Variants in TBX5 observed in about 807,000 individuals in gnomAD.
TBX5 encodes T-box transcription factor 5.
Under a neutral mutation model 51.1 loss-of-function variants are expected in TBX5, and 8 were observed. The observed-to-expected ratio is 0.16, with a 90% CI of 0.09 to 0.28. The LOEUF (loss-of-function observed/expected upper bound fraction) is 0.28. Ranked by LOEUF, TBX5 falls within the 10% of genes least tolerant of loss-of-function variation. The pLI is 1.00. For missense variants in TBX5, 589 were observed against 671.7 expected (o/e 0.88, Z 1.36); for synonymous variants, 302 against 266.4 (o/e 1.13, Z -1.30).
At chr12:114,359,132 A>G (rs1333334540) in intron 8 of TBX5, among the ~76,000 whole-genome samples, 1 of 152,246 alleles carries the variant, frequency 6.6e-6, no homozygotes, top group African/African-American at 2.4e-5. Context: ...ACATTTTGGA[A>G]AATCGTAAAA....
chr12:114,389,806 T>C (rs1871061576), intron 6 of TBX5, among the ~76,000 whole-genome samples: 1 of 135,446 alleles, frequency 7.4e-6, no homozygotes, highest in Admixed American at 7.5e-5. Context: ...GAAGGACACC[T>C]TTTCCTCCCA....
intron 8 of TBX5, among the ~76,000 whole-genome samples, chr12:114,357,876 A>T (rs1869008799): frequency 6.6e-6 from 1 of 152,246 alleles, no homozygotes; most frequent in Non-Finnish European, 1.5e-5. Context: ...TGGGGCATCC[A>T]TGCAACTCAC....
chr12:114,379,653 GAAACA>G (rs901281752), intron 7 of TBX5, among the ~76,000 whole-genome samples: 2 of 152,154 alleles, frequency 1.3e-5, no homozygotes, highest in Non-Finnish European at 2.9e-5. Flanking sequence ...TACAGATGAG[GAAACA>G]GACACTCCTC....
intron 7 of TBX5, among the ~76,000 whole-genome samples, chr12:114,375,470 G>T (rs1429610326): frequency 6.6e-6 from 1 of 151,966 alleles, no homozygotes; most frequent in Non-Finnish European, 1.5e-5. Flanking sequence ...TTAAAAAATG[G>T]GCAAAAGACC....
At chr12:114,386,069 A>G (rs1870799334) in intron 6 of TBX5, among the ~76,000 whole-genome samples, 1 of 152,158 alleles carries the variant, frequency 6.6e-6, no homozygotes, top group South Asian at 2.1e-4. Context: ...TGTTCATTTC[A>G]TAGTTTTGCA....
At position 114,405,688 on chromosome 12, in the gene TBX5, C is replaced by T. The variant is rs1328242009; in HGVS notation, c.-99G>A. On this transcript the variant is annotated 5_prime_UTR_variant, in exon 1 of 9. Transcript: ENST00000405440. ...CTGCTGCTCCTAGCAGGGAAGCCGG[C>T]GGTGAGGCGGGGGAGCAGGCATGGT... 1 of 985,024 alleles carries T rather than the reference C, an allele frequency of 1.0e-6. No individual in the cohort carries two copies. Among genetic ancestry groups the T allele is most frequent in the Non-Finnish European group, 1.2e-6 (1 of 829,572 alleles). The allele number at this position is 985,024 out of a possible 1,614,324, so 61.0% of individuals were successfully genotyped here.
At chr12:114,390,360 C>A (rs771814976) in intron 6 of TBX5, among the ~76,000 whole-genome samples, 11 of 152,294 alleles carry the variant, frequency 7.2e-5, no homozygotes, top group East Asian at 3.9e-4. Flanking sequence ...CCAGTTCCAC[C>A]AAAAGGCTTC....
chr12:114,399,768 G>T (rs530126948), intron 3 of TBX5, 136 bp from the exon 4 acceptor site: 3 of 1,393,122 alleles, frequency 2.2e-6, no homozygotes, highest in Non-Finnish European at 3.0e-6. Context: ...TCCGCTCTCC[G>T]CAAGATCCAT....
upstream of TBX5, chr12:114,408,087 C>T (rs1301537857): frequency 1.0e-6 from 1 of 985,332 alleles, no homozygotes; most frequent in East Asian, 1.1e-4. Flanking sequence ...GCCGCTGCAC[C>T]TATAGGACTT....
At chr12:114,403,315 G>A (rs1475687471) in intron 2 of TBX5, among the ~76,000 whole-genome samples, 3 of 152,244 alleles carry the variant, frequency 2.0e-5, no homozygotes, top group Non-Finnish European at 4.4e-5. Context: ...GAAGGCTACG[G>A]AAGATCAGAA....
At chr12:114,358,704 A>G (rs1869057043) in intron 8 of TBX5, among the ~76,000 whole-genome samples, 2 of 152,210 alleles carry the variant, frequency 1.3e-5, no homozygotes, top group Admixed American at 6.5e-5. Flanking sequence ...CATCATGCCA[A>G]CCATGCAGAT....
At chr12:114,391,887 A>G (rs1022717301) in intron 6 of TBX5, among the ~76,000 whole-genome samples, 1 of 152,196 alleles carries the variant, frequency 6.6e-6, no homozygotes, top group Non-Finnish European at 1.5e-5. Context: ...TGCTCCTGAA[A>G]AAGAAAATAG....
At chr12:114,360,515 G>A (rs1869176991) in intron 8 of TBX5, among the ~76,000 whole-genome samples, 1 of 150,502 alleles carries the variant, frequency 6.6e-6, no homozygotes, top group Admixed American at 6.6e-5. Context: ...TGGATGGGTG[G>A]GTTGATGGAT....
In TBX5 at chr12:114,405,676, C is replaced by T; in HGVS notation, c.-87G>A. 1 of 983,832 alleles carries T rather than the reference C, an allele frequency of 1.0e-6. No individual in the cohort carries two copies. Among genetic ancestry groups the T allele is most frequent in the Non-Finnish European group, 1.2e-6 (1 of 828,466 alleles). The allele number at this position is 983,832 out of a possible 1,614,324, so 60.9% of individuals were successfully genotyped here. On this transcript the variant is annotated 5_prime_UTR_variant, in exon 1 of 9. Coordinates refer to ENST00000405440, the MANE Select transcript of TBX5 (RefSeq NM_181486.4). ...TCACCACATCCTCTGCTGCTCCTAG[C>T]AGGGAAGCCGGCGGTGAGGCGGGGG...
intron 7 of TBX5, 116 bp downstream of exon 7, chr12:114,385,360 C>T: frequency 2.3e-6 from 2 of 870,628 alleles, no homozygotes; most frequent in South Asian, 1.4e-5. Context: ...TTTCCATGTG[C>T]CTGGCATTCT....
At chr12:114,373,436 A>C (rs1423976193) in intron 7 of TBX5, among the ~76,000 whole-genome samples, 2 of 152,188 alleles carry the variant, frequency 1.3e-5, no homozygotes, top group African/African-American at 4.8e-5. Context: ...ACAGACATAA[A>C]AGGACAATTC....
At chr12:114,389,352 T>C (rs943293372) in intron 6 of TBX5, among the ~76,000 whole-genome samples, 1 of 152,186 alleles carries the variant, frequency 6.6e-6, no homozygotes, top group Admixed American at 6.5e-5. Flanking sequence ...CAACATCTAA[T>C]GGGACTTTTC....
At chr12:114,363,164 C>T (rs778083909) in intron 8 of TBX5, among the ~76,000 whole-genome samples, 11 of 152,272 alleles carry the variant, frequency 7.2e-5, no homozygotes, top group Non-Finnish European at 1.2e-4. Context: ...TATTGTTATC[C>T]TCATTTTGCA....
intron 7 of TBX5, among the ~76,000 whole-genome samples, chr12:114,371,675 G>T (rs940151041): frequency 6.6e-6 from 1 of 151,026 alleles, no homozygotes; most frequent in African/African-American, 2.4e-5. Flanking sequence ...GGGGCAAGGC[G>T]AGGGACTGTG....
Sources: gnomAD v4.1 joint callset for allele counts (sites outside exome capture counted in the v4.1 genomes callset) on GRCh38, gnomAD v4.1.1 for gene constraint, MANE v1.5 for transcripts, NCBI Gene and HGNC (gene_info 2026-07-23, HGNC 2026-07-21) for gene names.